CARMIL1: variants seen among roughly 807,000 people sequenced by gnomAD.
CARMIL1 encodes the protein capping protein regulator and myosin 1 linker 1.
In CARMIL1, 90 loss-of-function variants were observed where a neutral mutation model predicts 177.1. That is an observed-to-expected ratio of 0.51 (90% CI 0.43 to 0.61). CARMIL1 has a LOEUF of 0.61. CARMIL1 is among the 20% of genes least tolerant of loss of function. CARMIL1 has a pLI of 0.00. For missense variants in CARMIL1, 1,380 were observed against 1,667.0 expected (o/e 0.83, Z 3.00); for synonymous variants, 577 against 606.2 (o/e 0.95, Z 0.71).
chr6:25,492,458 C>T (rs905646687), intron 15 of CARMIL1, among the ~76,000 whole-genome samples: 2 of 152,208 alleles, frequency 1.3e-5, no homozygotes, highest in African/African-American at 4.8e-5. Context: ...TTCACTTATA[C>T]ACTCCTGACT....
intron 35 of CARMIL1, among the ~76,000 whole-genome samples, chr6:25,607,065 T>C (rs570590133): frequency 6.6e-6 from 1 of 152,078 alleles, no homozygotes; most frequent in African/African-American, 2.4e-5. Flanking sequence ...GGAGGATAAC[T>C]TGAGCCTAGG....
intron 23 of CARMIL1, among the ~76,000 whole-genome samples, chr6:25,528,408 T>C (rs1304343241): frequency 1.3e-5 from 2 of 152,198 alleles, no homozygotes; most frequent in African/African-American, 4.8e-5. Flanking sequence ...CCCTTATTCC[T>C]TGGGGATATT....
intron 2 of CARMIL1, among the ~76,000 whole-genome samples, chr6:25,419,076 C>T (rs991295214): frequency 1.3e-5 from 2 of 152,210 alleles, no homozygotes; most frequent in African/African-American, 4.8e-5. Context: ...TTTCTGTGCT[C>T]AGCTTAGCCG....
At chr6:25,304,695 T>C (rs1783130141) in intron 2 of CARMIL1, among the ~76,000 whole-genome samples, 2 of 152,174 alleles carry the variant, frequency 1.3e-5, no homozygotes, top group Non-Finnish European at 2.9e-5. Context: ...AGCCCAGGGG[T>C]TGGGGACACC....
At chr6:25,433,477 A>G (rs1005710449) in intron 4 of CARMIL1, among the ~76,000 whole-genome samples, 2 of 152,234 alleles carry the variant, frequency 1.3e-5, no homozygotes, top group Non-Finnish European at 2.9e-5. Flanking sequence ...GTGCATATGA[A>G]AAATATGAGC....
intron 12 of CARMIL1, among the ~76,000 whole-genome samples, chr6:25,483,768 T>C (rs140654651): frequency 0.014 from 2,086 of 151,948 alleles, 32 homozygotes; most frequent in Middle Eastern, 0.044. Context: ...TTTTAAATTT[T>C]ATTTATTTAT....
At chr6:25,597,666 G>C (rs1814981787) in intron 32 of CARMIL1, among the ~76,000 whole-genome samples, 1 of 151,974 alleles carries the variant, frequency 6.6e-6, no homozygotes. Context: ...CTGTTGTCTG[G>C]GATCTCCCTT....
chr6:25,541,526 T>G (rs1326256615), intron 26 of CARMIL1, among the ~76,000 whole-genome samples: 3 of 152,208 alleles, frequency 2.0e-5, no homozygotes, highest in African/African-American at 7.2e-5. Flanking sequence ...GTATTATACT[T>G]TCATATGGAT....
At chr6:25,503,319 T>G (rs965987638) in intron 17 of CARMIL1, among the ~76,000 whole-genome samples, 10 of 152,234 alleles carry the variant, frequency 6.6e-5, no homozygotes, top group Admixed American at 3.3e-4. Flanking sequence ...CATGTTATGT[T>G]GATGCATGAA....
chr6:25,526,075 C>T (rs1253723381), intron 23 of CARMIL1, among the ~76,000 whole-genome samples: 1 of 151,054 alleles, frequency 6.6e-6, no homozygotes, highest in Non-Finnish European at 1.5e-5. Flanking sequence ...TTTGGGAGGC[C>T]GAGGCGGGCG....
chr6:25,544,510 A>G (rs1247507562), intron 26 of CARMIL1, among the ~76,000 whole-genome samples: 1 of 152,014 alleles, frequency 6.6e-6, no homozygotes, highest in African/African-American at 2.4e-5. Flanking sequence ...TAACATATCA[A>G]TCTAGAATTA....
chr6:25,547,208 G>A (rs913871726), intron 26 of CARMIL1, among the ~76,000 whole-genome samples: 2 of 152,168 alleles, frequency 1.3e-5, no homozygotes, highest in South Asian at 4.1e-4. Context: ...ATATTTGTGG[G>A]TAGGAAAAGT....
intron 2 of CARMIL1, among the ~76,000 whole-genome samples, chr6:25,349,101 G>A (rs1787841452): frequency 6.6e-6 from 1 of 152,132 alleles, no homozygotes; most frequent in Non-Finnish European, 1.5e-5. Flanking sequence ...TTAGTTCAGG[G>A]TTGAAGGTGG....
chr6:25,349,936 C>T (rs1295116684), intron 2 of CARMIL1, among the ~76,000 whole-genome samples: 3 of 152,018 alleles, frequency 2.0e-5, no homozygotes, highest in Non-Finnish European at 4.4e-5. Context: ...ACCATGTTGG[C>T]CAAGATGGTC....
Position 25,615,416 on chromosome 6 carries a change from AT to A in CARMIL1, c.3980-4024del, listed in dbSNP as rs1431817007. Among the ~76,000 whole-genome samples the A allele has an allele frequency of 5.3e-5, 8 of 152,234 alleles. No individual in the cohort carries two copies. The East Asian group carries it at 1.5e-3, about 29-fold the overall frequency. On this transcript the variant is annotated intron_variant, in intron 36 of 36. Transcript: ENST00000329474. ...TTTTACTAGAAATATTTGTAAGCAC[AT>A]TTTTTTCATTTCATATTATTTCCTC...
At chr6:25,371,300 C>G (rs1790404870) in intron 2 of CARMIL1, among the ~76,000 whole-genome samples, 1 of 152,140 alleles carries the variant, frequency 6.6e-6, no homozygotes, top group Non-Finnish European at 1.5e-5. Flanking sequence ...GGAATGGTAT[C>G]TTTACTTTCA....
At chr6:25,340,777 GT>G (rs34928775) in intron 2 of CARMIL1, among the ~76,000 whole-genome samples, 20,053 of 84,596 alleles carry the variant, frequency 0.24, 2,472 homozygotes, top group Non-Finnish European at 0.33. Context: ...GTCAATGAAG[GT>G]TTTTTTTTTT....
intron 2 of CARMIL1, among the ~76,000 whole-genome samples, chr6:25,332,763 A>ACACACACACACACACG (rs1245154875): frequency 8.4e-6 from 1 of 119,456 alleles, no homozygotes; most frequent in Non-Finnish European, 1.9e-5. Flanking sequence ...ACACACACAC[A>ACACACACACACACACG]CACACACACG....
intron 26 of CARMIL1, among the ~76,000 whole-genome samples, chr6:25,542,415 A>C (rs1413983196): frequency 6.6e-6 from 1 of 152,128 alleles, no homozygotes; most frequent in Non-Finnish European, 1.5e-5. Context: ...CATTCTTTTG[A>C]CCTTGATTTC....
Sources: gnomAD v4.1 joint callset for allele counts (sites outside exome capture counted in the v4.1 genomes callset) on GRCh38, gnomAD v4.1.1 for gene constraint, MANE v1.5 for transcripts, NCBI Gene and HGNC (gene_info 2026-07-23, HGNC 2026-07-21) for gene names.